Variants in DAGLA observed in about 807,000 individuals in gnomAD.
DAGLA encodes the protein diacylglycerol lipase-alpha.
In DAGLA, 22 loss-of-function variants were observed where a neutral mutation model predicts 102.6. The ratio of observed to expected loss-of-function variants is 0.21; its 90% CI spans 0.15 to 0.31. The LOEUF (loss-of-function observed/expected upper bound fraction) is 0.31, where lower values mean the gene tolerates loss of function less well. DAGLA is among the 10% of genes least tolerant of loss of function. The pLI is 1.00. For synonymous variants in DAGLA, 578 were observed against 628.9 expected, an observed-to-expected ratio of 0.92 and a Z score of 1.21; for missense variants, 927 against 1,446.6, an observed-to-expected ratio of 0.64 and a Z score of 5.83.
Position 61,684,283 on chromosome 11 carries a change from A to T in DAGLA, c.-45+3779A>T, listed in dbSNP as rs1458586232. On this transcript the variant is annotated intron_variant, in intron 1 of 19. Coordinates refer to ENST00000257215, the MANE Select transcript of DAGLA (RefSeq NM_006133.3). This position sits in a 1 kb window ranked among gnomAD's most constrained non-coding sequence, Gnocchi z 4.5. ...GACTGGGCAAGTAGCGCTGGGGGAA[A>T]TATCAATGAGCATGTGGTCAGAGGA... Among the ~76,000 whole-genome samples the T allele has an allele frequency of 2.6e-5, 4 of 152,258 alleles. No individual in the cohort carries two copies. Among genetic ancestry groups the T allele is most frequent in the African/African-American group, 9.6e-5 (4 of 41,474 alleles).
chr11:61,727,283 G>A (rs1005398439), intron 6 of DAGLA, among the ~76,000 whole-genome samples: 8 of 152,238 alleles, frequency 5.3e-5, no homozygotes, highest in Non-Finnish European at 8.8e-5. Flanking sequence ...GGGCCCTGGA[G>A]GGCCTCCGGT....
chr11:61,715,103 C>T (rs1365100098), intron 1 of DAGLA, among the ~76,000 whole-genome samples: 1 of 152,200 alleles, frequency 6.6e-6, no homozygotes, highest in Non-Finnish European at 1.5e-5. Flanking sequence ...CAGTAAGTGG[C>T]AGAGCCAAGA....
chr11:61,714,744 G>A lies in DAGLA; in HGVS notation c.-44-5368G>A, dbSNP rs568202452. On this transcript the variant is annotated intron_variant, in intron 1 of 19. Transcript: ENST00000257215. ...GTTCTTTCTGAACCTCAGTTTCCTC[G>A]CCCATGAAAGGGGACAGTGGGACTG... Among the ~76,000 whole-genome samples the A allele has an allele frequency of 1.0e-3, 157 of 152,268 alleles. 1 individual carries two copies. The Middle Eastern group carries it at 0.02, about 20-fold the overall frequency.
At chr11:61,720,034 C>A in intron 1 of DAGLA, 78 bp from the exon 2 acceptor site, 2 of 978,208 alleles carry the variant, frequency 2.0e-6, no homozygotes, top group South Asian at 1.5e-5. Flanking sequence ...GGGGACTGGT[C>A]CCGTGGCCCA....
At chr11:61,731,519 G>A (rs879106988) in intron 9 of DAGLA, 78 bp downstream of exon 9, 26 of 1,578,284 alleles carry the variant, frequency 1.6e-5, no homozygotes, top group South Asian at 4.5e-5. Flanking sequence ...ACCGGGCTGC[G>A]CCTACTGCTT....
chr11:61,740,971 G>A (rs187927763), intron 18 of DAGLA, among the ~76,000 whole-genome samples, 191 bp from the exon 19 acceptor site: 2 of 152,336 alleles, frequency 1.3e-5, no homozygotes, highest in Non-Finnish European at 2.9e-5. Flanking sequence ...CCGGGCTGTG[G>A]GGCGAGTCGT....
chr11:61,703,076 T>C (rs17145745), intron 1 of DAGLA, among the ~76,000 whole-genome samples: 8,682 of 152,160 alleles, frequency 0.057, 855 homozygotes, highest in African/African-American at 0.2. Flanking sequence ...TGGGTGCAGC[T>C]CTGCTGTGGC....
At chr11:61,718,595 C>A (rs1265029961) in intron 1 of DAGLA, among the ~76,000 whole-genome samples, 1 of 149,024 alleles carries the variant, frequency 6.7e-6, no homozygotes, top group Non-Finnish European at 1.5e-5. Flanking sequence ...CCACAGACCA[C>A]CCCCCACCCC....
chr11:61,683,499 C>T (rs1412902438), intron 1 of DAGLA, among the ~76,000 whole-genome samples: 1 of 152,222 alleles, frequency 6.6e-6, no homozygotes, highest in Non-Finnish European at 1.5e-5. Context: ...AAGGAGGAAG[C>T]CTACAGCCTC....
chr11:61,738,271 C>G lies in DAGLA; in HGVS notation c.1656+64C>G, dbSNP rs2065443558. ...CATCTGTCCCTGCCCTTGACCCCCA[C>G]CGGTTTCTTGGGACAAAGCACAAGA... On this transcript the variant is annotated intron_variant, in intron 16 of 19. Transcript: ENST00000257215. 2.6e-5 allele frequency: 36 copies of G among 1,405,960 alleles called. No individual in the cohort carries two copies. The South Asian group carries it at 4.2e-4, about 16-fold the overall frequency. The allele number at this position is 1,405,960 out of a possible 1,614,324, so 87.1% of individuals were successfully genotyped here. A position where few individuals can be genotyped will look rare whatever the true frequency, so the allele number is the denominator to read the frequency against.
At chr11:61,687,250 C>T (rs1260171383) in intron 1 of DAGLA, among the ~76,000 whole-genome samples, 1 of 152,068 alleles carries the variant, frequency 6.6e-6, no homozygotes, top group African/African-American at 2.4e-5. Context: ...TTTTGGTGTC[C>T]CTGTCCATAC....
chr11:61,703,432 G>A (rs2065124129), intron 1 of DAGLA, among the ~76,000 whole-genome samples: 1 of 151,056 alleles, frequency 6.6e-6, no homozygotes, highest in South Asian at 2.1e-4. Context: ...GCCACGCAAA[G>A]CTCTGGGGGT....
At chr11:61,729,427 G>GT (rs2065356816) in intron 8 of DAGLA, among the ~76,000 whole-genome samples, 1 of 152,172 alleles carries the variant, frequency 6.6e-6, no homozygotes, top group Admixed American at 6.5e-5. Context: ...GGGAAAGGTG[G>GT]TGCCAGTAAC....
At chr11:61,712,277 G>C (rs912889384) in intron 1 of DAGLA, among the ~76,000 whole-genome samples, 1 of 152,178 alleles carries the variant, frequency 6.6e-6, no homozygotes, top group Admixed American at 6.5e-5. Flanking sequence ...TCAGTTTCCC[G>C]ATCCATGACA....
intron 2 of DAGLA, 115 bp downstream of exon 2, chr11:61,720,365 C>A: frequency 9.7e-7 from 1 of 1,026,802 alleles, no homozygotes; most frequent in Non-Finnish European, 1.5e-6. Flanking sequence ...CTGTCATGCC[C>A]CCAGCTGCCC....
In DAGLA at chr11:61,720,194, G is replaced by A; in HGVS notation, c.39G>A (p.Val13=). ...TGGTGTTCCGGCGGCGCTGGTCTGT[G>A]GGCAGTGATGACCTCGTCCTACCGG... ...GIVVFRRRWS[V]GSDDLVLPAI... The change falls in exon 2 of 20, where the codon GTG becomes GTA. Residue 13 remains valine (V), a synonymous_variant. Transcript: ENST00000257215. 2.5e-6 allele frequency: 4 copies of A among 1,613,768 alleles called. No individual in the cohort carries two copies. Among genetic ancestry groups the A allele is most frequent in the Non-Finnish European group, 2.5e-6 (3 of 1,180,032 alleles).
intron 16 of DAGLA, among the ~76,000 whole-genome samples, chr11:61,738,959 G>A (rs1188453445): frequency 6.6e-6 from 1 of 152,226 alleles, no homozygotes; most frequent in African/African-American, 2.4e-5. Context: ...GTGCCAGGCA[G>A]TGAGCAGGGC....
chr11:61,702,582 A>C (rs2065117728), intron 1 of DAGLA, among the ~76,000 whole-genome samples: 1 of 152,204 alleles, frequency 6.6e-6, no homozygotes, highest in African/African-American at 2.4e-5. Flanking sequence ...AAGAGAAGTC[A>C]TTTCCCCAGG....
intron 1 of DAGLA, among the ~76,000 whole-genome samples, chr11:61,714,004 C>A (rs575040920): frequency 6.6e-6 from 1 of 152,194 alleles, no homozygotes; most frequent in Non-Finnish European, 1.5e-5. Context: ...CTTCAGGACA[C>A]CAAGGGTCAA....
Sources: allele counts gnomAD v4.1 joint callset (sites outside exome capture counted in the v4.1 genomes callset), GRCh38; gene constraint gnomAD v4.1.1; non-coding constraint Gnocchi (gnomAD v3.1); transcripts MANE v1.5; gene names NCBI Gene and HGNC (gene_info 2026-07-23, HGNC 2026-07-21).